Variants in TEX9 observed in about 807,000 individuals in gnomAD.
TEX9 encodes testis expressed 9, also known as testis-expressed protein 9.
In TEX9, 74 loss-of-function variants were observed where a neutral mutation model predicts 59.6. The observed-to-expected ratio is 1.24, with a 90% CI of 1.03 to 1.51. The LOEUF is 1.51. Ranked by LOEUF, TEX9 falls within the 40% of genes most tolerant of loss-of-function variation. The probability of loss-of-function intolerance (pLI) is 0.00; values close to 1 mark genes in which losing one functional copy is unlikely to be tolerated. For missense variants in TEX9, 522 were observed against 447.8 expected, an observed-to-expected ratio of 1.17 and a Z score of -1.49; for synonymous variants, 186 against 152.2, an observed-to-expected ratio of 1.22 and a Z score of -1.64.
At chr15:56,347,246 G>A (rs1175447781) in intron 1 of TEX9, among the ~76,000 whole-genome samples, 1 of 152,098 alleles carries the variant, frequency 6.6e-6, no homozygotes, top group Non-Finnish European at 1.5e-5. Context: ...AAATTTGAAT[G>A]AAAATCCAGG....
chr15:56,460,005 A>ATATATATATATATATAT, the TEX9 span, among the ~76,000 whole-genome samples: 12 of 30,510 alleles, frequency 3.9e-4, no homozygotes, highest in African/African-American at 1.4e-3. Context: ...AAAAAAAAAA[A>ATATATATATATATATAT]AAAAATACAT....
intron 1 of TEX9, among the ~76,000 whole-genome samples, chr15:56,327,467 C>T (rs1272769570): frequency 6.6e-6 from 1 of 152,172 alleles, no homozygotes; most frequent in African/African-American, 2.4e-5. Flanking sequence ...GAAGCCTCCA[C>T]TCATTGTGCC....
intron 1 of TEX9, among the ~76,000 whole-genome samples, chr15:56,280,380 A>C (rs1486912819): frequency 6.6e-6 from 1 of 152,210 alleles, no homozygotes; most frequent in Non-Finnish European, 1.5e-5. Context: ...ACATTGTGTA[A>C]GCCTTGAAAA....
chr15:56,381,680 C>T (rs1472933293), intron 3 of TEX9, among the ~76,000 whole-genome samples: 1 of 152,212 alleles, frequency 6.6e-6, no homozygotes, highest in East Asian at 1.9e-4. Flanking sequence ...GACTCGTTCT[C>T]TTCCTTTATT....
intron 12 of TEX9, chr15:56,431,466 T>G: frequency 1.2e-6 from 2 of 1,613,640 alleles, no homozygotes; most frequent in Non-Finnish European, 1.7e-6. Flanking sequence ...CTTGCCGCCT[T>G]TGCTGCAACT....
intron 1 of TEX9, among the ~76,000 whole-genome samples, chr15:56,340,336 C>A (rs1452548287): frequency 6.6e-6 from 1 of 152,184 alleles, no homozygotes. Flanking sequence ...TGGGCCAATA[C>A]TCTATTTATT....
chr15:56,347,089 G>C (rs1485014066), intron 1 of TEX9, among the ~76,000 whole-genome samples: 2 of 152,098 alleles, frequency 1.3e-5, no homozygotes, highest in South Asian at 4.1e-4. Flanking sequence ...AAAAGGATCA[G>C]AATAAATGGA....
At chr15:56,289,956 C>T (rs2045049182) in intron 1 of TEX9, among the ~76,000 whole-genome samples, 1 of 152,190 alleles carries the variant, frequency 6.6e-6, no homozygotes, top group African/African-American at 2.4e-5. Flanking sequence ...GTCTAGCTCT[C>T]TATGGCAGCT....
chr15:56,318,167 C>A (rs1246383270), intron 1 of TEX9, among the ~76,000 whole-genome samples: 7 of 151,988 alleles, frequency 4.6e-5, no homozygotes, highest in African/African-American at 1.7e-4. Context: ...TTGTTAGGTG[C>A]ATATATATTT....
At chr15:56,317,488 C>G (rs1215427927) in intron 1 of TEX9, among the ~76,000 whole-genome samples, 1 of 152,190 alleles carries the variant, frequency 6.6e-6, no homozygotes, top group African/African-American at 2.4e-5. Context: ...GAACCAACTT[C>G]TATTGATTTT....
At chr15:56,243,983 G>C (rs1184244955), upstream of TEX9, 10 of 150,342 alleles carry the variant, frequency 6.7e-5, no homozygotes, top group African/African-American at 2.4e-4. Flanking sequence ...GGGGGCGCAC[G>C]GCGCGGAGGG....
At chr15:56,456,564 G>C in the TEX9 span, 1 of 1,584,412 alleles carries the variant, frequency 6.3e-7, no homozygotes, top group African/African-American at 1.4e-5. Flanking sequence ...TCTAGAATCA[G>C]ATTTTTTTCA....
chr15:56,460,009 A>AAAAAAAAATAT, the TEX9 span, among the ~76,000 whole-genome samples: 78 of 26,378 alleles, frequency 3.0e-3, 13 homozygotes, highest in East Asian at 0.022. Context: ...AAAAAAAAAA[A>AAAAAAAAATAT]ATACATATAT....
chr15:56,258,501 A>T (rs2044192065), intron 1 of TEX9, among the ~76,000 whole-genome samples: 1 of 151,960 alleles, frequency 6.6e-6, no homozygotes, highest in Non-Finnish European at 1.5e-5. Context: ...GAGGTCCTTC[A>T]CTTTCCTTGT....
chr15:56,378,336 C>A (rs1169748699), intron 3 of TEX9, among the ~76,000 whole-genome samples: 1 of 152,026 alleles, frequency 6.6e-6, no homozygotes, highest in East Asian at 1.9e-4. Flanking sequence ...CGCAGTGCAG[C>A]CATCAGGTCC....
chr15:56,342,557 A>G (rs1423719865), intron 1 of TEX9, among the ~76,000 whole-genome samples: 3 of 152,198 alleles, frequency 2.0e-5, no homozygotes, highest in Admixed American at 1.3e-4. Context: ...TATGTGCAGG[A>G]GAAAAGTTGG....
chr15:56,419,473 GA>G (rs2049861592), intron 10 of TEX9, among the ~76,000 whole-genome samples: 1 of 151,822 alleles, frequency 6.6e-6, no homozygotes, highest in South Asian at 2.1e-4. Context: ...ATCTTACCAG[GA>G]ATGGATGTTG....
chr15:56,406,983 T>C (rs1395817334), intron 9 of TEX9, among the ~76,000 whole-genome samples: 36 of 152,154 alleles, frequency 2.4e-4, no homozygotes, highest in Admixed American at 2.2e-3. Flanking sequence ...TATTACTTTC[T>C]TGTGGTTGGT....
chr15:56,431,628 C>T, intron 12 of TEX9: 1 of 673,978 alleles, frequency 1.5e-6, no homozygotes, highest in Non-Finnish European at 2.3e-6. Context: ...TCAAAAGATT[C>T]TAGATAATAT....
Sources: gnomAD v4.1 joint callset for allele counts (sites outside exome capture counted in the v4.1 genomes callset) on GRCh38, gnomAD v4.1.1 for gene constraint, MANE v1.5 for transcripts, NCBI Gene and HGNC (gene_info 2026-07-23, HGNC 2026-07-21) for gene names.